The following OPCML variants were observed in gnomAD, a reference collection of about 807,000 sequenced individuals.
OPCML encodes the protein opioid binding protein/cell adhesion molecule like.
A neutral mutation model predicts 37.8 loss-of-function variants in OPCML; 13 were observed. That is an observed-to-expected ratio of 0.34 (90% CI 0.22 to 0.55). OPCML has a LOEUF of 0.55. Ranked by LOEUF, OPCML falls within the 20% of genes least tolerant of loss-of-function variation. The pLI is 0.91. For synonymous variants in OPCML, 176 were observed against 168.8 expected (o/e 1.04, Z -0.33); for missense variants, 341 against 435.6 (o/e 0.78, Z 1.93).
intron 1 of OPCML, among the ~76,000 whole-genome samples, chr11:133,034,307 A>AGG (rs1308490456): frequency 3.2e-5 from 1 of 31,164 alleles, no homozygotes; most frequent in Non-Finnish European, 6.1e-5. Context: ...CTGTATGTAT[A>AGG]GGTGTGTGTG....
chr11:132,639,090 A>C (rs1266202225), intron 3 of OPCML, among the ~76,000 whole-genome samples: 7 of 152,196 alleles, frequency 4.6e-5, no homozygotes, highest in Admixed American at 4.6e-4. Context: ...ACACCCTTGC[A>C]TTCAAAAGAT....
intron 2 of OPCML, among the ~76,000 whole-genome samples, chr11:132,781,805 T>C (rs1309891183): frequency 6.6e-6 from 1 of 151,382 alleles, no homozygotes; most frequent in African/African-American, 2.4e-5. Flanking sequence ...CTAGGTTAAA[T>C]AAACTTTTAA....
chr11:132,645,359 T>C lies in OPCML; in HGVS notation c.379+11728A>G, dbSNP rs181392306. Among the ~76,000 whole-genome samples, 21 of 152,362 alleles carry C rather than the reference T, an allele frequency of 1.4e-4. No homozygotes were observed. In the East Asian group the frequency reaches 1.9e-3, roughly 14 times the overall value. On this transcript the variant is annotated intron_variant, in intron 3 of 7. Coordinates refer to ENST00000524381, the MANE Select transcript of OPCML (RefSeq NM_001012393.5). ...ACTAAGCTGCCCTTTGAGATGCTTATTTATTCCTAAGAATAACTGACATTT... is the reference window on the plus strand; with the variant it reads ...ACTAAGCTGCCCTTTGAGATGCTTACTTATTCCTAAGAATAACTGACATTT...
At chr11:132,871,442 A>C (rs916257404) in intron 2 of OPCML, among the ~76,000 whole-genome samples, 1 of 152,256 alleles carries the variant, frequency 6.6e-6, no homozygotes, top group African/African-American at 2.4e-5. Context: ...TTCCCTAAGC[A>C]ATGCAATATC....
chr11:132,778,276 C>G (rs1252482343), intron 2 of OPCML, among the ~76,000 whole-genome samples: 2 of 152,258 alleles, frequency 1.3e-5, no homozygotes, highest in Non-Finnish European at 2.9e-5. Flanking sequence ...TTTCAGCAGT[C>G]ACTGCACTGG....
chr11:132,692,375 T>C (rs1943438736), intron 2 of OPCML, among the ~76,000 whole-genome samples: 1 of 152,202 alleles, frequency 6.6e-6, no homozygotes. Flanking sequence ...CATGCATCTA[T>C]AGGATCAGGC....
chr11:132,891,807 C>T (rs956531822), intron 2 of OPCML, among the ~76,000 whole-genome samples: 1 of 152,230 alleles, frequency 6.6e-6, no homozygotes, highest in Non-Finnish European at 1.5e-5. Flanking sequence ...AAATCAGCTG[C>T]ATGAAAGAAA....
intron 1 of OPCML, among the ~76,000 whole-genome samples, chr11:133,042,488 A>G (rs551047053): frequency 2.6e-4 from 39 of 152,316 alleles, no homozygotes; most frequent in African/African-American, 8.4e-4. Context: ...ACGGTGCAGT[A>G]GGGAATGTAA....
intron 1 of OPCML, among the ~76,000 whole-genome samples, chr11:133,291,894 G>T (rs1268800640): frequency 6.6e-6 from 1 of 152,238 alleles, no homozygotes; most frequent in Non-Finnish European, 1.5e-5. Flanking sequence ...CCTGTGGCCG[G>T]CTTGTGTGTG....
chr11:132,540,901 C>T (rs79743113), intron 3 of OPCML, among the ~76,000 whole-genome samples: 2,304 of 152,304 alleles, frequency 0.015, 54 homozygotes, highest in African/African-American at 0.047. Flanking sequence ...GTCGAGTTCT[C>T]TTCTTTCTGG....
intron 1 of OPCML, among the ~76,000 whole-genome samples, chr11:133,307,496 T>C (rs1392729552): frequency 2.6e-5 from 4 of 152,154 alleles, no homozygotes; most frequent in African/African-American, 7.2e-5. Context: ...GTAGACAAAA[T>C]TTGTTTTTCT....
At chr11:133,274,995 AG>A (rs1327749949) in intron 1 of OPCML, among the ~76,000 whole-genome samples, 8 of 152,156 alleles carry the variant, frequency 5.3e-5, no homozygotes, top group African/African-American at 1.9e-4. Context: ...CCTTAGGGTT[AG>A]AGTGACAGCT....
At chr11:132,799,834 T>C in intron 2 of OPCML, among the ~76,000 whole-genome samples, 1 of 152,170 alleles carries the variant, frequency 6.6e-6, no homozygotes. Context: ...TACTACAATA[T>C]TGCATTAAGT....
At chr11:133,057,704 C>G (rs1347377799) in intron 1 of OPCML, among the ~76,000 whole-genome samples, 1 of 152,130 alleles carries the variant, frequency 6.6e-6, no homozygotes, top group African/African-American at 2.4e-5. Context: ...TCACATGCGT[C>G]CTGTGAACTC....
intron 1 of OPCML, among the ~76,000 whole-genome samples, chr11:133,497,304 T>C (rs1025158435): frequency 2.0e-5 from 3 of 152,150 alleles, no homozygotes; most frequent in Admixed American, 1.3e-4. Context: ...AATTCTATTG[T>C]TGAGAGTTTC....
rs530602384 is a variant in OPCML at position 133,216,946 on chromosome 11, A to G, written c.62-273936T>C. On this transcript the variant is annotated intron_variant, in intron 1 of 7. Transcript: ENST00000524381. ...ATATATATTTTACACATAAATAATT[A>G]TGTAAATATGAAGATTGCCATAAAT... Among the ~76,000 whole-genome samples the G allele has an allele frequency of 1.9e-4, 29 of 152,358 alleles. No homozygotes were observed. The South Asian group carries it at 5.8e-3, about 30-fold the overall frequency.
In OPCML at chr11:132,420,124, C is replaced by T. The variant is rs2095952633; in HGVS notation, c.*69G>A. ...AAAAAGAAGCCCAAGCTGGTTTGCT[C>T]TCCGCAGTGTAGATTAAAGTCTGTG... On this transcript the variant is annotated 3_prime_UTR_variant, in exon 8 of 8. Transcript: ENST00000524381. The T allele has an allele frequency of 5.3e-6, 7 of 1,315,992 alleles. No individual in the cohort carries two copies. In the South Asian group the frequency reaches 5.3e-5, roughly 10 times the overall value. The allele number at this position is 1,315,992 out of a possible 1,614,324, so 81.5% of individuals were successfully genotyped here.
intron 2 of OPCML, among the ~76,000 whole-genome samples, chr11:132,901,009 A>G (rs939451266): frequency 6.6e-6 from 1 of 151,974 alleles, no homozygotes; most frequent in African/African-American, 2.4e-5. Flanking sequence ...GTGAAACCCC[A>G]TCTCTACTAA....
At chr11:133,369,251 T>C (rs1305483264) in intron 1 of OPCML, among the ~76,000 whole-genome samples, 1 of 152,222 alleles carries the variant, frequency 6.6e-6, no homozygotes, top group African/African-American at 2.4e-5. Context: ...CATAGAAATT[T>C]CTTGTCCTTG....
Sources: allele counts gnomAD v4.1 joint callset (sites outside exome capture counted in the v4.1 genomes callset), GRCh38; gene constraint gnomAD v4.1.1; transcripts MANE v1.5; gene names NCBI Gene and HGNC (gene_info 2026-07-23, HGNC 2026-07-21).